ZRANB3: variants seen among roughly 807,000 people sequenced by gnomAD.
The protein encoded by ZRANB3 is DNA annealing helicase and endonuclease ZRANB3.
Under a neutral mutation model 133.8 loss-of-function variants are expected in ZRANB3, and 125 were observed. The observed-to-expected ratio is 0.93, with a 90% CI of 0.81 to 1.08. The LOEUF is 1.08. ZRANB3 is among the 50% of genes least tolerant of loss of function. ZRANB3 has a pLI of 0.00. For missense variants in ZRANB3, 1,229 were observed against 1,275.5 expected (o/e 0.96, Z 0.56); for synonymous variants, 387 against 432.7 (o/e 0.89, Z 1.31).
chr2:135,383,011 G>A (rs1304392681), intron 3 of ZRANB3, among the ~76,000 whole-genome samples: 2 of 152,100 alleles, frequency 1.3e-5, no homozygotes, highest in Non-Finnish European at 1.5e-5. Context: ...AAATGTAAAT[G>A]GGCTAAATGC....
At chr2:135,202,632 T>A in intron 20 of ZRANB3, 200 bp downstream of exon 20, 1 of 507,886 alleles carries the variant, frequency 2.0e-6, no homozygotes, top group South Asian at 2.9e-5. Context: ...CTAGAATGAA[T>A]GAAAAGGGAA....
intron 12 of ZRANB3, among the ~76,000 whole-genome samples, chr2:135,253,318 A>T (rs1182293610): frequency 6.6e-6 from 1 of 152,140 alleles, no homozygotes; most frequent in Non-Finnish European, 1.5e-5. Flanking sequence ...TAACTCACCT[A>T]CCTTGAACTG....
intron 3 of ZRANB3, among the ~76,000 whole-genome samples, chr2:135,357,968 G>A (rs546326619): frequency 1.3e-5 from 2 of 152,160 alleles, no homozygotes; most frequent in Admixed American, 6.5e-5. Context: ...TTGGTTTTAC[G>A]CTTTTAAAGG....
At chr2:135,518,207 G>A (rs1693780356) in intron 1 of ZRANB3, among the ~76,000 whole-genome samples, 1 of 152,218 alleles carries the variant, frequency 6.6e-6, no homozygotes, top group South Asian at 2.1e-4. Context: ...TCCATGGGGT[G>A]GGATCTGCTG....
At chr2:135,226,729 T>C (rs1455089012) in intron 14 of ZRANB3, among the ~76,000 whole-genome samples, 1 of 152,238 alleles carries the variant, frequency 6.6e-6, no homozygotes, top group Non-Finnish European at 1.5e-5. Context: ...TGTTGGTTCC[T>C]AGTCTCATAT....
At chr2:135,308,258 G>T (rs1682797365) in intron 8 of ZRANB3, among the ~76,000 whole-genome samples, 2 of 152,142 alleles carry the variant, frequency 1.3e-5, no homozygotes, top group African/African-American at 4.8e-5. Flanking sequence ...GTCCAACAGG[G>T]TTTCCTGCCC....
intron 1 of ZRANB3, among the ~76,000 whole-genome samples, chr2:135,506,682 C>A (rs980741497): frequency 6.6e-6 from 1 of 152,152 alleles, no homozygotes; most frequent in African/African-American, 2.4e-5. Context: ...AGATACAGAA[C>A]ATTTCTCTCT....
At chr2:135,505,764 C>T (rs969903482) in intron 1 of ZRANB3, among the ~76,000 whole-genome samples, 1 of 152,010 alleles carries the variant, frequency 6.6e-6, no homozygotes, top group African/African-American at 2.4e-5. Context: ...CCCACGCACT[C>T]GTAGGGTTTA....
intron 2 of ZRANB3, among the ~76,000 whole-genome samples, chr2:135,487,046 A>G (rs1692155227): frequency 6.6e-6 from 1 of 152,192 alleles, no homozygotes; most frequent in Non-Finnish European, 1.5e-5. Flanking sequence ...AAATATTAAG[A>G]CCTGAAAGTC....
chr2:135,452,161 G>A (rs1158518322), intron 2 of ZRANB3, among the ~76,000 whole-genome samples: 1 of 152,132 alleles, frequency 6.6e-6, no homozygotes, highest in Non-Finnish European at 1.5e-5. Flanking sequence ...AGGAAAATGA[G>A]GAAGCAGCAA....
At chr2:135,450,318 C>T (rs991307273) in intron 2 of ZRANB3, among the ~76,000 whole-genome samples, 5 of 151,136 alleles carry the variant, frequency 3.3e-5, no homozygotes, top group African/African-American at 9.7e-5. Flanking sequence ...AAGAATAACT[C>T]GCTTATTGAG....
intron 3 of ZRANB3, 79 bp from the exon 4 acceptor site, chr2:135,353,707 A>G: frequency 9.5e-7 from 1 of 1,050,370 alleles, no homozygotes; most frequent in Non-Finnish European, 1.3e-6. Flanking sequence ...CATTTTATTT[A>G]AGAGTATTAT....
intron 11 of ZRANB3, among the ~76,000 whole-genome samples, chr2:135,267,194 A>C (rs1193588064): frequency 6.6e-6 from 1 of 152,234 alleles, no homozygotes; most frequent in Non-Finnish European, 1.5e-5. Flanking sequence ...AAGAAAATGA[A>C]CTTATTTCTT....
chr2:135,454,931 G>C (rs2105009607), intron 2 of ZRANB3, among the ~76,000 whole-genome samples: 1 of 152,178 alleles, frequency 6.6e-6, no homozygotes, highest in Non-Finnish European at 1.5e-5. Flanking sequence ...ATTTAGAATG[G>C]AGAATATTAG....
At chr2:135,384,498 G>GT (rs916412534) in intron 3 of ZRANB3, among the ~76,000 whole-genome samples, 2 of 152,060 alleles carry the variant, frequency 1.3e-5, no homozygotes, top group African/African-American at 4.8e-5. Flanking sequence ...ATTTTATGAG[G>GT]CAGCATCATC....
intron 3 of ZRANB3, among the ~76,000 whole-genome samples, chr2:135,376,278 C>T (rs1327204027): frequency 5.3e-5 from 8 of 152,146 alleles, no homozygotes; most frequent in Non-Finnish European, 5.9e-5. Context: ...TTATTTTAAG[C>T]CCCCCAGTTT....
intron 3 of ZRANB3, among the ~76,000 whole-genome samples, chr2:135,364,934 A>C (rs1438248778): frequency 1.3e-5 from 2 of 152,148 alleles, no homozygotes; most frequent in Non-Finnish European, 2.9e-5. Context: ...CTGTAGCCCC[A>C]GCTACTCGGG....
At position 135,371,750 on chromosome 2, in the gene ZRANB3, G is replaced by T. The variant is rs1165293194; in HGVS notation, c.181-18122C>A. Among the ~76,000 whole-genome samples, 4 of 150,720 alleles carry T rather than the reference G, an allele frequency of 2.7e-5. No individual in the cohort carries two copies. In the Admixed American group the frequency reaches 2.7e-4, roughly 10 times the overall value. On this transcript the variant is annotated intron_variant, in intron 3 of 20. Coordinates refer to ENST00000264159, the MANE Select transcript of ZRANB3 (RefSeq NM_032143.4). Reference sequence around the variant, plus strand: ...AGTTTTTGAAAAGATTCCTGTCAAGGGCTGAATGTTTTTTCTCCAAAAAAT... The same window carrying T: ...AGTTTTTGAAAAGATTCCTGTCAAGTGCTGAATGTTTTTTCTCCAAAAAAT...
In ZRANB3 at chr2:135,198,471, A is replaced by C. The variant is rs1693492228; in HGVS notation, c.*1871T>G. ...CTTACGGCATTTTTAATTAGTCAGA[A>C]TTCTGAAACCTGGTATAGACTGAGC... On this transcript the variant is annotated 3_prime_UTR_variant, in exon 21 of 21. Transcript: ENST00000264159. 6.6e-6 allele frequency: 1 copy of C among 152,212 alleles called. No homozygotes were observed. The highest frequency in any genetic ancestry group is 1.5e-5 in the Non-Finnish European group (1 of 68,054). The allele number at this position is 152,212 out of a possible 1,614,324, so 9.4% of individuals were successfully genotyped here. A position where few individuals can be genotyped will look rare whatever the true frequency, so the allele number is the denominator to read the frequency against.
Sources: allele counts gnomAD v4.1 joint callset (sites outside exome capture counted in the v4.1 genomes callset), GRCh38; gene constraint gnomAD v4.1.1; transcripts MANE v1.5; gene names NCBI Gene and HGNC (gene_info 2026-07-23, HGNC 2026-07-21).